Variants in THSD7B observed in about 807,000 individuals in gnomAD.
THSD7B encodes thrombospondin type-1 domain-containing protein 7B.
In THSD7B, 138 loss-of-function variants were observed where a neutral mutation model predicts 213.6. The observed-to-expected ratio is 0.65, with a 90% CI of 0.56 to 0.74. The LOEUF (loss-of-function observed/expected upper bound fraction) is 0.74. Among genes scored for constraint, THSD7B ranks in the 30% least tolerant of loss-of-function variants. The pLI is 0.00. For missense variants in THSD7B, 1,931 were observed against 1,991.5 expected, an observed-to-expected ratio of 0.97 and a Z score of 0.58; for synonymous variants, 742 against 687.0, an observed-to-expected ratio of 1.08 and a Z score of -1.25.
intron 21 of THSD7B, among the ~76,000 whole-genome samples, chr2:137,653,896 C>G (rs1265518412): frequency 6.6e-6 from 1 of 151,572 alleles, no homozygotes; most frequent in Non-Finnish European, 1.5e-5. Flanking sequence ...CTCACATATC[C>G]ATGTTGTTAG....
chr2:137,000,045 A>G (rs1685972698), intron 2 of THSD7B, among the ~76,000 whole-genome samples: 1 of 152,180 alleles, frequency 6.6e-6, no homozygotes, highest in Non-Finnish European at 1.5e-5. Flanking sequence ...AAATTCCAAC[A>G]GGAATGTATA....
chr2:136,891,757 A>T (rs1181799864), intron 2 of THSD7B, among the ~76,000 whole-genome samples: 1 of 152,252 alleles, frequency 6.6e-6, no homozygotes, highest in African/African-American at 2.4e-5. Context: ...ATTTCAAACA[A>T]GTGACACAGC....
At chr2:137,319,969 T>A (rs1327574860) in intron 12 of THSD7B, among the ~76,000 whole-genome samples, 1 of 152,164 alleles carries the variant, frequency 6.6e-6, no homozygotes, top group Non-Finnish European at 1.5e-5. Flanking sequence ...TCCAGCTACA[T>A]TCTTGTGGCC....
At chr2:136,829,225 A>G (rs144258044) in intron 1 of THSD7B, among the ~76,000 whole-genome samples, 125 of 151,700 alleles carry the variant, frequency 8.2e-4, no homozygotes, top group African/African-American at 3.0e-3. Flanking sequence ...TTTTGAGCAC[A>G]TAGTAGGTTT....
At chr2:137,494,282 A>G (rs1679508782) in intron 15 of THSD7B, among the ~76,000 whole-genome samples, 1 of 152,182 alleles carries the variant, frequency 6.6e-6, no homozygotes, top group South Asian at 2.1e-4. Context: ...TCATTTTTAT[A>G]AATGAGAGTA....
At chr2:136,839,566 G>A (rs1286803722) in intron 1 of THSD7B, among the ~76,000 whole-genome samples, 1 of 152,110 alleles carries the variant, frequency 6.6e-6, no homozygotes, top group Non-Finnish European at 1.5e-5. Context: ...CTCAGAGTCT[G>A]GCATTGACCT....
chr2:137,379,054 G>T (rs773531718), intron 12 of THSD7B, among the ~76,000 whole-genome samples: 1 of 152,130 alleles, frequency 6.6e-6, no homozygotes, highest in Non-Finnish European at 1.5e-5. Context: ...AGCTGGGAAC[G>T]CAGAGGGCTA....
At chr2:136,885,928 GAGGTTGTCC>G (rs1683709618) in intron 2 of THSD7B, among the ~76,000 whole-genome samples, 1 of 152,166 alleles carries the variant, frequency 6.6e-6, no homozygotes, top group Middle Eastern at 3.2e-3. Context: ...AAAGCTTAAG[GAGGTTGTCC>G]ATGAGCTGCC....
chr2:137,361,611 T>C (rs1421903916), intron 12 of THSD7B, among the ~76,000 whole-genome samples: 1 of 152,054 alleles, frequency 6.6e-6, no homozygotes, highest in East Asian at 1.9e-4. Flanking sequence ...GCTGATTTGA[T>C]CAAGTGGAAG....
intron 13 of THSD7B, among the ~76,000 whole-genome samples, chr2:137,407,962 C>T (rs1032968617): frequency 3.3e-5 from 5 of 150,478 alleles, no homozygotes; most frequent in South Asian, 2.1e-4. Flanking sequence ...TTTATAATAA[C>T]TAGATAACTA....
intron 1 of THSD7B, among the ~76,000 whole-genome samples, chr2:136,823,383 T>A (rs561389998): frequency 6.6e-6 from 1 of 152,348 alleles, no homozygotes; most frequent in South Asian, 2.1e-4. Context: ...GTGCTTGCTT[T>A]GGTTAGCAGA....
intron 10 of THSD7B, among the ~76,000 whole-genome samples, chr2:137,263,908 A>G (rs1229028995): frequency 6.6e-6 from 1 of 152,188 alleles, no homozygotes; most frequent in Non-Finnish European, 1.5e-5. Context: ...GAGAGAACAT[A>G]CTGGATTGAT....
At chr2:136,888,948 T>G (rs369842513) in intron 2 of THSD7B, among the ~76,000 whole-genome samples, 11 of 43,724 alleles carry the variant, frequency 2.5e-4, no homozygotes, top group African/African-American at 4.2e-4. Context: ...TTTTGGGGTG[T>G]GTGTGTGTGT....
In THSD7B at chr2:137,057,124, CAA is replaced by C. The variant is rs1687183237; in HGVS notation, c.846_847del (p.Ser283LeufsTer27). The C allele has an allele frequency of 6.2e-7, 1 of 1,613,826 alleles. No individual in the cohort carries two copies. Among genetic ancestry groups the C allele is most frequent in the African/African-American group, 1.3e-5 (1 of 74,916 alleles). ...AAATGAGCGAGTCACCTTTAAACAT[CAA>C]AGTTACAAAGCACATCATCATTCGA... ...DSNERVTFKH[Q>X]SYKAHHHSKS... is the part of the protein sequence containing the mutation. On this transcript the variant is annotated frameshift_variant, in exon 3 of 28. Transcript: ENST00000409968. LOFTEE classifies it high-confidence loss of function.
chr2:137,092,021 G>A (rs1374926860), intron 3 of THSD7B, among the ~76,000 whole-genome samples: 1 of 152,086 alleles, frequency 6.6e-6, no homozygotes, highest in Non-Finnish European at 1.5e-5. Flanking sequence ...AGTGGATTTT[G>A]ATCCCAGGCC....
intron 2 of THSD7B, among the ~76,000 whole-genome samples, chr2:137,007,417 A>G (rs976487607): frequency 1.3e-5 from 2 of 152,200 alleles, no homozygotes; most frequent in Non-Finnish European, 2.9e-5. Flanking sequence ...ATTAACACTA[A>G]TAGAGATAGA....
Position 136,993,938 on chromosome 2 carries a change from T to C in THSD7B, c.140-62482T>C, listed in dbSNP as rs371767523. Among the ~76,000 whole-genome samples the C allele has an allele frequency of 3.3e-5, 5 of 152,350 alleles. No individual in the cohort carries two copies. The East Asian group carries it at 5.8e-4, about 18-fold the overall frequency. On this transcript the variant is annotated intron_variant, in intron 2 of 27. Transcript: ENST00000409968. ...ATACGTGCATTTATATTTGTGTATA[T>C]ATGTTTATACATACATGTTATAGAA...
chr2:136,822,634 C>G (rs1040939523), intron 1 of THSD7B, among the ~76,000 whole-genome samples: 1 of 152,156 alleles, frequency 6.6e-6, no homozygotes, highest in Admixed American at 6.5e-5. Context: ...CAAGATTTTG[C>G]TTTTATACCC....
chr2:137,387,284 T>C (rs1263647279), intron 12 of THSD7B, among the ~76,000 whole-genome samples: 1 of 152,208 alleles, frequency 6.6e-6, no homozygotes, highest in Admixed American at 6.5e-5. Flanking sequence ...TCTGAGTGGC[T>C]TACCTCAAAC....
Sources: gnomAD v4.1 joint callset for allele counts (sites outside exome capture counted in the v4.1 genomes callset) on GRCh38, gnomAD v4.1.1 for gene constraint, MANE v1.5 for transcripts, NCBI Gene and HGNC (gene_info 2026-07-23, HGNC 2026-07-21) for gene names.